DOK6: variants seen among roughly 807,000 people sequenced by gnomAD.
DOK6 encodes the protein downstream of tyrosine kinase 6.
DOK6 carries 22 observed loss-of-function variants against 44.0 expected under a neutral mutation model. That is an observed-to-expected ratio of 0.50 (90% CI 0.36 to 0.71). The LOEUF (loss-of-function observed/expected upper bound fraction) is 0.71, where lower values mean the gene tolerates loss of function less well. DOK6 is among the 30% of genes least tolerant of loss of function. DOK6 has a pLI of 0.00. For missense variants in DOK6, 340 were observed against 416.4 expected (o/e 0.82, Z 1.60); for synonymous variants, 166 against 145.5 (o/e 1.14, Z -1.01).
At chr18:69,607,036 C>T (rs1984015713) in intron 3 of DOK6, among the ~76,000 whole-genome samples, 1 of 152,130 alleles carries the variant, frequency 6.6e-6, no homozygotes, top group African/African-American at 2.4e-5. Flanking sequence ...GGGTCAGATA[C>T]AATAATTTTT....
intron 5 of DOK6, among the ~76,000 whole-genome samples, chr18:69,713,129 A>G (rs1465402814): frequency 1.3e-5 from 2 of 152,208 alleles, no homozygotes; most frequent in African/African-American, 2.4e-5. Flanking sequence ...CCCAGATCAC[A>G]ATCTATCCCT....
chr18:69,721,465 CAATATA>C (rs1004674942), intron 5 of DOK6: 2 of 152,118 alleles, frequency 1.3e-5, no homozygotes, highest in Non-Finnish European at 2.9e-5. Flanking sequence ...ATGCTTATGA[CAATATA>C]AATTATAAAA....
intron 7 of DOK6, among the ~76,000 whole-genome samples, chr18:69,780,240 A>T (rs1402561473): frequency 6.6e-6 from 1 of 152,062 alleles, no homozygotes; most frequent in East Asian, 1.9e-4. Context: ...CAGCATTGTC[A>T]CCCTCAGTAA....
intron 3 of DOK6, among the ~76,000 whole-genome samples, chr18:69,623,238 T>C (rs8091706): frequency 0.95 from 145,001 of 152,258 alleles, 69,453 homozygotes; most frequent in East Asian, 1. Flanking sequence ...AAGCAGAAGC[T>C]TGTGTAGCTC....
chr18:69,550,397 CAG>C (rs1401663527), intron 1 of DOK6, among the ~76,000 whole-genome samples: 3 of 152,028 alleles, frequency 2.0e-5, no homozygotes, highest in Non-Finnish European at 4.4e-5. Context: ...TAAAACAAAA[CAG>C]AATAAAAACA....
chr18:69,584,074 C>G (rs1342896239), intron 2 of DOK6, among the ~76,000 whole-genome samples: 1 of 136,942 alleles, frequency 7.3e-6, no homozygotes. Context: ...CGCCACTGCA[C>G]TCCAGCCTGG....
intron 5 of DOK6, chr18:69,725,121 A>G (rs1054587260): frequency 3.0e-4 from 45 of 152,242 alleles, no homozygotes; most frequent in African/African-American, 9.6e-4. Flanking sequence ...GAAATATGAA[A>G]TAACTTCATT....
At chr18:69,834,436 A>G (rs1292579926) in intron 7 of DOK6, among the ~76,000 whole-genome samples, 1 of 152,216 alleles carries the variant, frequency 6.6e-6, no homozygotes, top group Non-Finnish European at 1.5e-5. Flanking sequence ...ACAGTTAGAT[A>G]GAAGGAATAA....
intron 1 of DOK6, among the ~76,000 whole-genome samples, chr18:69,442,990 A>G (rs1979179245): frequency 6.6e-6 from 1 of 152,188 alleles, no homozygotes; most frequent in Non-Finnish European, 1.5e-5. Context: ...ATGGAGGGAA[A>G]CGAATGTTGC....
rs568331230 is a variant in DOK6 at position 69,794,875 on chromosome 18, G to A, written c.856+37002G>A. On this transcript the variant is annotated intron_variant, in intron 7 of 7. Coordinates refer to ENST00000382713, the MANE Select transcript of DOK6 (RefSeq NM_152721.6). ...GGGATTTAGGCTCCGTGCTCCTTAT[G>A]AGAACCTAATGCCTGATGATCTGTC... is the stretch of plus-strand genomic sequence containing the variant. Among the ~76,000 whole-genome samples the A allele has an allele frequency of 3.9e-5, 6 of 152,276 alleles. No individual in the cohort carries two copies. The South Asian group carries it at 1.2e-3, about 32-fold the overall frequency.
At chr18:69,803,513 G>T (rs1980962042) in intron 7 of DOK6, among the ~76,000 whole-genome samples, 1 of 152,166 alleles carries the variant, frequency 6.6e-6, no homozygotes, top group Non-Finnish European at 1.5e-5. Flanking sequence ...ATTTACTCTT[G>T]ATAAATCTAA....
At chr18:69,696,054 G>T (rs1380657983) in intron 4 of DOK6, among the ~76,000 whole-genome samples, 1 of 152,164 alleles carries the variant, frequency 6.6e-6, no homozygotes, top group Non-Finnish European at 1.5e-5. Context: ...GGGCCTTGAT[G>T]ATATACATAG....
intron 5 of DOK6, among the ~76,000 whole-genome samples, chr18:69,712,280 C>CAAAAAAAAAAAAAA (rs869202861): frequency 4.4e-5 from 1 of 22,674 alleles, no homozygotes. Context: ...GACTCCGTCT[C>CAAAAAAAAAAAAAA]AAAAAAAAAA....
intron 3 of DOK6, among the ~76,000 whole-genome samples, chr18:69,627,530 C>G (rs1401482917): frequency 1.3e-5 from 2 of 152,258 alleles, no homozygotes. Flanking sequence ...CTCACTGCAA[C>G]CTCTGCCTCC....
At chr18:69,513,720 TA>T (rs971508650) in intron 1 of DOK6, among the ~76,000 whole-genome samples, 1 of 152,094 alleles carries the variant, frequency 6.6e-6, no homozygotes, top group African/African-American at 2.4e-5. Flanking sequence ...ACAGTAATTA[TA>T]AAAAAAATTT....
intron 1 of DOK6, among the ~76,000 whole-genome samples, chr18:69,422,713 T>C (rs1978526304): frequency 6.6e-6 from 1 of 152,228 alleles, no homozygotes; most frequent in Non-Finnish European, 1.5e-5. Context: ...TTCTAATGGT[T>C]CTTTTTACTG....
At chr18:69,638,565 CA>C (rs1984865202) in intron 3 of DOK6, among the ~76,000 whole-genome samples, 1 of 151,736 alleles carries the variant, frequency 6.6e-6, no homozygotes, top group African/African-American at 2.4e-5. Flanking sequence ...CAATTTGTAC[CA>C]GATCAAGTTT....
intron 4 of DOK6, among the ~76,000 whole-genome samples, chr18:69,696,348 C>G (rs1005692121): frequency 3.9e-5 from 6 of 152,132 alleles, no homozygotes; most frequent in African/African-American, 1.2e-4. Context: ...TTTAAACATT[C>G]TATGTTTTTA....
At chr18:69,581,765 G>A (rs372276490) in intron 2 of DOK6, among the ~76,000 whole-genome samples, 19 of 152,234 alleles carry the variant, frequency 1.2e-4, no homozygotes, top group African/African-American at 4.6e-4. Context: ...TACATTTCTG[G>A]CAAATGAGAT....
Sources: allele counts gnomAD v4.1 joint callset (sites outside exome capture counted in the v4.1 genomes callset), GRCh38; gene constraint gnomAD v4.1.1; transcripts MANE v1.5; gene names NCBI Gene and HGNC (gene_info 2026-07-23, HGNC 2026-07-21).